BCKDHB: variants seen among roughly 807,000 people sequenced by gnomAD.
BCKDHB encodes branched chain keto acid dehydrogenase E1 subunit beta.
Under a neutral mutation model 48.5 loss-of-function variants are expected in BCKDHB, and 41 were observed. The ratio of observed to expected loss-of-function variants is 0.85; its 90% CI spans 0.66 to 1.10. BCKDHB has a LOEUF of 1.10. BCKDHB is among the 50% of genes least tolerant of loss of function. The pLI, the probability that BCKDHB is intolerant of heterozygous loss-of-function variation, is 0.00. For missense variants in BCKDHB, 496 were observed against 494.2 expected (o/e 1.00, Z -0.03); for synonymous variants, 201 against 174.8 (o/e 1.15, Z -1.18).
At chr6:80,458,836 A>G in the BCKDHB span, among the ~76,000 whole-genome samples, 3 of 152,222 alleles carry the variant, frequency 2.0e-5, no homozygotes, top group South Asian at 6.2e-4. Flanking sequence ...GAAAAAAAGT[A>G]AAAAAATCAC....
At chr6:80,263,168 C>G (rs1777375572) in intron 8 of BCKDHB, among the ~76,000 whole-genome samples, 2 of 152,164 alleles carry the variant, frequency 1.3e-5, no homozygotes, top group South Asian at 4.1e-4. Flanking sequence ...TGTTGTGCCA[C>G]TGCTCTCCAT....
chr6:80,197,957 TCC>T (rs1774209215), intron 6 of BCKDHB, among the ~76,000 whole-genome samples: 1 of 151,786 alleles, frequency 6.6e-6, no homozygotes, highest in African/African-American at 2.4e-5. Context: ...CATCCATCCA[TCC>T]ATCCATCCAT....
At chr6:80,342,521 G>T (rs1769959616) in intron 9 of BCKDHB, among the ~76,000 whole-genome samples, 1 of 114,716 alleles carries the variant, frequency 8.7e-6, no homozygotes, top group African/African-American at 3.4e-5. Context: ...AGGAGTTTGA[G>T]ACCAGCCTGG....
intron 8 of BCKDHB, among the ~76,000 whole-genome samples, chr6:80,226,776 A>G (rs943817503): frequency 6.6e-6 from 1 of 152,054 alleles, no homozygotes; most frequent in African/African-American, 2.4e-5. Context: ...GGATAACACG[A>G]TACACTCTTT....
chr6:80,433,277 C>T, the BCKDHB span, among the ~76,000 whole-genome samples: 1 of 152,204 alleles, frequency 6.6e-6, no homozygotes, highest in Non-Finnish European at 1.5e-5. Context: ...CCCCTTCCCC[C>T]AGGTGCTCTG....
chr6:80,168,237 A>C lies in BCKDHB; in HGVS notation c.477+426A>C, dbSNP rs112587078. ...GAGTCCAAGGCTACAATGAACTGTG[A>C]TCGCAGCACTGCACTCCCTGGGTGA... is the stretch of plus-strand genomic sequence containing the variant. On this transcript the variant is annotated intron_variant, in intron 4 of 9. Coordinates refer to ENST00000320393, the MANE Select transcript of BCKDHB (RefSeq NM_183050.4). 1.7e-3 allele frequency among the ~76,000 whole-genome samples: 261 copies of C among 152,088 alleles called. 1 individual carries two copies. The highest frequency in any genetic ancestry group is 6.0e-3 in the African/African-American group (251 of 41,514).
At chr6:80,275,876 A>C (rs916642207) in intron 9 of BCKDHB, among the ~76,000 whole-genome samples, 1 of 151,958 alleles carries the variant, frequency 6.6e-6, no homozygotes, top group Admixed American at 6.6e-5. Context: ...AACTGAGATC[A>C]CCTAAGTTTG....
chr6:80,136,042 C>T (rs555885320), intron 3 of BCKDHB, among the ~76,000 whole-genome samples: 16 of 152,268 alleles, frequency 1.1e-4, no homozygotes, highest in Admixed American at 9.2e-4. Flanking sequence ...TATGCATATA[C>T]TACATTTTGT....
intron 8 of BCKDHB, among the ~76,000 whole-genome samples, chr6:80,246,676 C>G (rs1380285413): frequency 6.6e-6 from 1 of 152,214 alleles, no homozygotes; most frequent in East Asian, 1.9e-4. Flanking sequence ...GTCTACCCAA[C>G]ACTGGCTTAC....
intron 3 of BCKDHB, among the ~76,000 whole-genome samples, chr6:80,159,203 A>G (rs968607953): frequency 3.9e-5 from 6 of 152,178 alleles, no homozygotes; most frequent in African/African-American, 1.4e-4. Context: ...TGATGAGTTA[A>G]TGGGTGCAGC....
At chr6:80,294,993 C>T (rs1767148397) in intron 9 of BCKDHB, among the ~76,000 whole-genome samples, 1 of 152,144 alleles carries the variant, frequency 6.6e-6, no homozygotes, top group South Asian at 2.1e-4. Flanking sequence ...TTTACACCCC[C>T]TCCCCTTTTG....
chr6:80,215,859 A>AGCCTC (rs1237079663), intron 8 of BCKDHB, among the ~76,000 whole-genome samples: 5 of 152,170 alleles, frequency 3.3e-5, no homozygotes, highest in Non-Finnish European at 5.9e-5. Context: ...CTCCTGCCTC[A>AGCCTC]GCCTCCTGAG....
At chr6:80,127,224 C>A (rs1353949536) in intron 1 of BCKDHB, 2 of 334,698 alleles carry the variant, frequency 6.0e-6, no homozygotes, top group Non-Finnish European at 1.1e-5. Context: ...TCTTCCCAGA[C>A]CACTCACTTT....
At chr6:80,242,727 C>T (rs1776439176) in intron 8 of BCKDHB, among the ~76,000 whole-genome samples, 1 of 152,068 alleles carries the variant, frequency 6.6e-6, no homozygotes, top group South Asian at 2.1e-4. Context: ...TTAATCTTTG[C>T]ATCATGGGGA....
chr6:80,437,151 G>C, the BCKDHB span, among the ~76,000 whole-genome samples: 1 of 151,988 alleles, frequency 6.6e-6, no homozygotes, highest in Non-Finnish European at 1.5e-5. Flanking sequence ...GAATTCTGCT[G>C]TCTCAGAAGT....
chr6:80,449,468 T>G, the BCKDHB span, among the ~76,000 whole-genome samples: 3 of 152,094 alleles, frequency 2.0e-5, no homozygotes, highest in East Asian at 5.8e-4. Context: ...AAATAAATTC[T>G]CAAGTAAGTA....
At chr6:80,320,272 C>G (rs567959048) in intron 9 of BCKDHB, among the ~76,000 whole-genome samples, 1 of 152,066 alleles carries the variant, frequency 6.6e-6, no homozygotes, top group Non-Finnish European at 1.5e-5. Context: ...GTTCCACAGA[C>G]GCAACAGGTT....
the BCKDHB span, among the ~76,000 whole-genome samples, chr6:80,430,504 TG>T: frequency 6.6e-6 from 1 of 152,154 alleles, no homozygotes; most frequent in Non-Finnish European, 1.5e-5. Flanking sequence ...GGACTTTTTT[TG>T]GTTGGTAGGC....
rs187206360 is a variant in BCKDHB, at chr6:80,264,255, G to T, written c.952-8880G>T. 5.3e-5 allele frequency among the ~76,000 whole-genome samples: 8 copies of T among 152,206 alleles called. No individual in the cohort carries two copies. The East Asian group carries it at 1.4e-3, about 26-fold the overall frequency. On this transcript the variant is annotated intron_variant, in intron 8 of 9. Transcript: ENST00000320393. The stretch of plus-strand genomic sequence containing the variant: ...ACTCGTCTTTGCTTCCCCAGTATTA[G>T]CACATGTGGTTCAAGAAATTGTTTT...
Sources: allele counts gnomAD v4.1 joint callset (sites outside exome capture counted in the v4.1 genomes callset), GRCh38; gene constraint gnomAD v4.1.1; transcripts MANE v1.5; gene names NCBI Gene and HGNC (gene_info 2026-07-23, HGNC 2026-07-21).